FNBP4: variants seen among roughly 807,000 people sequenced by gnomAD.
The protein encoded by FNBP4 is formin binding protein 4.
In FNBP4, 34 loss-of-function variants were observed where a neutral mutation model predicts 119.3. The observed-to-expected ratio is 0.28, with a 90% CI of 0.22 to 0.38. FNBP4 has a LOEUF of 0.38. FNBP4 is among the 10% of genes least tolerant of loss of function. FNBP4 has a pLI of 1.00. For missense variants in FNBP4, 1,112 were observed against 1,228.9 expected (o/e 0.90, Z 1.42); for synonymous variants, 462 against 430.6 (o/e 1.07, Z -0.90).
intron 2 of FNBP4, among the ~76,000 whole-genome samples, chr11:47,763,321 G>A (rs1411398665): frequency 4.0e-5 from 6 of 150,892 alleles, no homozygotes; most frequent in African/African-American, 1.2e-4. Context: ...AAAATTAGCC[G>A]GTAATCCCAG....
In FNBP4 at chr11:47,724,554, C is replaced by T. The variant is rs1429969447; in HGVS notation, c.2233G>A (p.Glu745Lys). The T allele has an allele frequency of 6.2e-7, 1 of 1,614,188 alleles. No individual in the cohort carries two copies. Among genetic ancestry groups the T allele is most frequent in the Non-Finnish European group, 8.5e-7 (1 of 1,180,028 alleles). ...GEIQEVEMED[E>K]GSEEPPAPGT... ...GGGGCAGGGGGCTCCTCACTTCCCTCATCCTCCATCTCTACCTCCTGGATC... is the reference window on the plus strand; with the variant it reads ...GGGGCAGGGGGCTCCTCACTTCCCTTATCCTCCATCTCTACCTCCTGGATC... The change falls in exon 13 of 17, where the codon GAG becomes AAG. Residue 745 changes from glutamate (E) to lysine (K), a missense_variant. By Grantham distance (56) the Glu-to-Lys change is moderately conservative (BLOSUM62 1). Coordinates refer to ENST00000263773, the MANE Select transcript of FNBP4 (RefSeq NM_015308.5).
chr11:47,758,723 G>C (rs537872562), intron 2 of FNBP4, among the ~76,000 whole-genome samples: 1 of 151,778 alleles, frequency 6.6e-6, no homozygotes, highest in African/African-American at 2.4e-5. Context: ...GCTGGCTGTG[G>C]TGGTGCGCGC....
intron 6 of FNBP4, among the ~76,000 whole-genome samples, chr11:47,748,421 T>C (rs2097595219): frequency 6.6e-6 from 1 of 151,794 alleles, no homozygotes; most frequent in Non-Finnish European, 1.5e-5. Flanking sequence ...ATGGTCTCAC[T>C]CTGTCCAGGC....
chr11:47,746,076 G>T lies in FNBP4; in HGVS notation c.1225C>A (p.Leu409Ile). The part of the protein sequence containing the change: ...EEEQDTLELE[L>I]VLERKKAELR... ...CTTACTTTTTTCCTTTCCAAAACTAGCTCCAGTTCAAGGGTATCTTGTTCC... is the reference window on the plus strand; with the variant it reads ...CTTACTTTTTTCCTTTCCAAAACTATCTCCAGTTCAAGGGTATCTTGTTCC... The change falls in exon 7 of 17, where the codon CTA becomes ATA. Residue 409 changes from leucine to isoleucine, a missense_variant. By Grantham distance (5) the Leu-to-Ile change is conservative. This residue lies in a region of FNBP4 where 826 missense variants were observed against 988.8 expected (regional missense o/e 0.84). Transcript: ENST00000263773. 1 of 1,594,514 alleles carries T rather than the reference G, an allele frequency of 6.3e-7. No homozygotes were observed.
At chr11:47,743,787 A>T in intron 8 of FNBP4, 166 bp downstream of exon 8, 1 of 641,628 alleles carries the variant, frequency 1.6e-6, no homozygotes, top group Non-Finnish European at 2.7e-6. Context: ...TACTAGAAAA[A>T]GATCTGGAAA....
intron 7 of FNBP4, 53 bp downstream of exon 7, chr11:47,746,003 T>C: frequency 7.1e-7 from 1 of 1,405,816 alleles, no homozygotes. Context: ...CAATGATCCC[T>C]GTAGAGTAGT....
chr11:47,739,521 C>A (rs547460607), intron 8 of FNBP4, among the ~76,000 whole-genome samples: 3 of 152,084 alleles, frequency 2.0e-5, no homozygotes, highest in Non-Finnish European at 2.9e-5. Context: ...GGCAATATAC[C>A]ACTAGGAATC....
chr11:47,717,588 TC>T, intron 16 of FNBP4, 76 bp from the exon 17 acceptor site: 1 of 1,134,860 alleles, frequency 8.8e-7, no homozygotes, highest in East Asian at 2.4e-5. Context: ...CAAATAAAAA[TC>T]TAACTGAAAT....
Position 47,750,915 on chromosome 11 carries a change from C to A in FNBP4, c.906+1G>T. Reference sequence around the variant, plus strand: ...CAAATGAGGTAAGTTTCGACACTGACCTTTTTAACTTCTCGCTTGGCTATG... The same window carrying A: ...CAAATGAGGTAAGTTTCGACACTGAACTTTTTAACTTCTCGCTTGGCTATG... On this transcript the variant is annotated splice_donor_variant, in intron 6 of 16. Coordinates refer to ENST00000263773, the MANE Select transcript of FNBP4 (RefSeq NM_015308.5). LOFTEE classifies it high-confidence loss of function. 6.2e-7 allele frequency: 1 copy of A among 1,613,660 alleles called. No individual in the cohort carries two copies. The highest frequency in any genetic ancestry group is 8.5e-7 in the Non-Finnish European group (1 of 1,179,916).
At chr11:47,765,198 T>C in intron 2 of FNBP4, 72 bp downstream of exon 2, 3 of 947,250 alleles carry the variant, frequency 3.2e-6, no homozygotes, top group Middle Eastern at 2.1e-4. Context: ...CAAAACATTC[T>C]ATGTACAAAC....
intron 12 of FNBP4, chr11:47,729,106 C>T: frequency 2.1e-6 from 2 of 936,158 alleles, no homozygotes; most frequent in Non-Finnish European, 2.5e-6. Context: ...CCCGCCTCAG[C>T]CCCCCAAAGT....
At chr11:47,720,766 T>TTA (rs1182367079) in intron 15 of FNBP4, among the ~76,000 whole-genome samples, 4 of 122,618 alleles carry the variant, frequency 3.3e-5, no homozygotes, top group Non-Finnish European at 6.9e-5. Flanking sequence ...CCAAGTGATT[T>TTA]AAAAAAAAAA....
At chr11:47,754,499 C>T (rs1207270815) in intron 3 of FNBP4, 29 bp downstream of exon 3, 2 of 1,607,960 alleles carry the variant, frequency 1.2e-6, no homozygotes, top group African/African-American at 2.7e-5. Context: ...GCTTCAGTAA[C>T]TAAAACTCCA....
In FNBP4 at chr11:47,734,097, T is replaced by C. The variant is rs745872427; in HGVS notation, c.1614A>G (p.Thr538=). ...FQIGELANTL[T]SKFEFLGINR... Reference sequence around the variant, plus strand: ...TAATGCCTAGAAACTCGAATTTACTTGTCAGGGTATTTGCCAGTTCTCCAA... The same window carrying C: ...TAATGCCTAGAAACTCGAATTTACTCGTCAGGGTATTTGCCAGTTCTCCAA... The change falls in exon 10 of 17, where the codon ACA becomes ACG. Residue 538 remains threonine, a synonymous_variant. Transcript: ENST00000263773. 3 of 1,596,728 alleles carry C rather than the reference T, an allele frequency of 1.9e-6. No homozygotes were observed. Among genetic ancestry groups the C allele is most frequent in the Non-Finnish European group, 2.6e-6 (3 of 1,176,038 alleles).
chr11:47,751,811 G>C (rs1198932004), intron 4 of FNBP4, among the ~76,000 whole-genome samples: 2 of 152,018 alleles, frequency 1.3e-5, no homozygotes, highest in Non-Finnish European at 2.9e-5. Context: ...AATTGGGCGT[G>C]GTGGTGCGTG....
chr11:47,724,500 G>C lies in FNBP4; in HGVS notation c.2287C>G (p.Pro763Ala), dbSNP rs754298564. ...PGTEEDTPLK[P>A]SAQTTVVTSQ... ...GTTACAACTGTGGTTTGTGCTGAAGGTTTCAAAGGGGTATCTTCCTCTGTT... is the reference window on the plus strand; with the variant it reads ...GTTACAACTGTGGTTTGTGCTGAAGCTTTCAAAGGGGTATCTTCCTCTGTT... Residue 763 changes from proline (P) to alanine (A), a missense_variant, in exon 13 of 17, where the codon CCT (proline) becomes GCT (alanine). By Grantham distance (27) the Pro-to-Ala change is conservative. Transcript: ENST00000263773. 2.5e-6 allele frequency: 4 copies of C among 1,614,228 alleles called. No individual in the cohort carries two copies. Among genetic ancestry groups the C allele is most frequent in the Non-Finnish European group, 2.5e-6 (3 of 1,180,036 alleles).
At chr11:47,719,836 A>C in intron 16 of FNBP4, 93 bp downstream of exon 16, 2 of 1,286,102 alleles carry the variant, frequency 1.6e-6, no homozygotes, top group Non-Finnish European at 2.2e-6. Context: ...TGTCTATTCT[A>C]ATGCATCTAT....
chr11:47,734,280 T>TA lies in FNBP4; in HGVS notation c.1582-152dup, dbSNP rs1307280368. 4 of 466,918 alleles carry TA rather than the reference T, an allele frequency of 8.6e-6. No individual in the cohort carries two copies. In the Admixed American group the frequency reaches 1.6e-4, roughly 18 times the overall value. The allele number at this position is 466,918 out of a possible 1,614,324, so 28.9% of individuals were successfully genotyped here. A position where few individuals can be genotyped will look rare whatever the true frequency, so the allele number is the denominator to read the frequency against. ...CAGCTGTATTTAGTTATCCAGAATATAAAATTCTAATTTATAGTAACATAA... is the reference window on the plus strand; with the variant it reads ...CAGCTGTATTTAGTTATCCAGAATATAAAAATTCTAATTTATAGTAACATAA... On this transcript the variant is annotated intron_variant, in intron 9 of 16. Coordinates refer to ENST00000263773, the MANE Select transcript of FNBP4 (RefSeq NM_015308.5).
chr11:47,739,966 T>C (rs2135157984), intron 8 of FNBP4, among the ~76,000 whole-genome samples: 1 of 151,770 alleles, frequency 6.6e-6, no homozygotes, highest in African/African-American at 2.4e-5. Flanking sequence ...TTTTGTTTGT[T>C]TGTTTGTTTG....
Sources: gnomAD v4.1 joint callset for allele counts (sites outside exome capture counted in the v4.1 genomes callset) on GRCh38, gnomAD v4.1.1 for gene constraint, gnomAD v4.1.1 regional missense constraint, MANE v1.5 for transcripts, NCBI Gene and HGNC (gene_info 2026-07-23, HGNC 2026-07-21) for gene names.